Variants in FAM222B observed in about 807,000 individuals in gnomAD.
The protein encoded by FAM222B is protein FAM222B.
Under a neutral mutation model 38.0 loss-of-function variants are expected in FAM222B, and 12 were observed. The observed-to-expected ratio is 0.32, with a 90% confidence interval of 0.20 to 0.51. The LOEUF (loss-of-function observed/expected upper bound fraction) is 0.51, where lower values mean the gene tolerates loss of function less well. Ranked by LOEUF, FAM222B falls within the 20% of genes least tolerant of loss-of-function variation. The pLI is 0.97. For missense variants in FAM222B, 716 were observed against 754.2 expected (o/e 0.95, Z 0.59); for synonymous variants, 329 against 317.2 (o/e 1.04, Z -0.40).
intron 1 of FAM222B, among the ~76,000 whole-genome samples, chr17:28,785,122 G>A (rs1274103298): frequency 1.3e-5 from 2 of 152,086 alleles, no homozygotes; most frequent in Non-Finnish European, 2.9e-5. Context: ...TACAGATAAG[G>A]AAACCCAGGC....
chr17:28,796,680 A>G (rs377439556), intron 1 of FAM222B, among the ~76,000 whole-genome samples: 2 of 152,156 alleles, frequency 1.3e-5, no homozygotes, highest in Non-Finnish European at 2.9e-5. Context: ...TTATTTTTCA[A>G]CAGGCAAATG....
intron 1 of FAM222B, among the ~76,000 whole-genome samples, chr17:28,776,870 G>A (rs2035922228): frequency 2.6e-5 from 4 of 152,034 alleles, no homozygotes; most frequent in Admixed American, 2.6e-4. Flanking sequence ...CCAAAATGCT[G>A]CTCTGGGAAA....
intron 1 of FAM222B, among the ~76,000 whole-genome samples, chr17:28,796,468 G>C (rs1324977807): frequency 6.6e-6 from 1 of 152,122 alleles, no homozygotes; most frequent in Non-Finnish European, 1.5e-5. Flanking sequence ...AGCCCATTAA[G>C]GCTGAGAGTT....
intron 1 of FAM222B, among the ~76,000 whole-genome samples, chr17:28,792,780 C>CA (rs71135854): frequency 0.098 from 12,058 of 122,630 alleles, 611 homozygotes; most frequent in African/African-American, 0.16. Context: ...GGCCCTATTT[C>CA]AAAAAAAAAA....
intron 1 of FAM222B, among the ~76,000 whole-genome samples, chr17:28,833,316 TAAATA>T (rs1468097845): frequency 8.1e-6 from 1 of 123,470 alleles, no homozygotes; most frequent in Admixed American, 8.1e-5. Flanking sequence ...CTCAAAAAAA[TAAATA>T]AATAAATAAG....
intron 1 of FAM222B, among the ~76,000 whole-genome samples, chr17:28,806,212 C>T (rs930473581): frequency 6.6e-5 from 10 of 151,634 alleles, no homozygotes; most frequent in Middle Eastern, 3.2e-3. Flanking sequence ...CTATACTTTG[C>T]CTGCTTGCCC....
At chr17:28,821,596 G>A (rs545636874) in intron 1 of FAM222B, among the ~76,000 whole-genome samples, 2 of 152,216 alleles carry the variant, frequency 1.3e-5, no homozygotes, top group African/African-American at 2.4e-5. Context: ...AGTCTCATTC[G>A]CTCACCAGTT....
At chr17:28,783,574 A>G (rs9911178) in intron 1 of FAM222B, among the ~76,000 whole-genome samples, 151,530 of 151,536 alleles carry the variant, frequency 1, 75,762 homozygotes, top group Middle Eastern at 1. Flanking sequence ...GTGCAGTGGC[A>G]AAATCTTGGC....
At chr17:28,816,268 G>A (rs1011371453) in intron 1 of FAM222B, among the ~76,000 whole-genome samples, 1 of 151,940 alleles carries the variant, frequency 6.6e-6, no homozygotes, top group African/African-American at 2.4e-5. Flanking sequence ...GTGGGACTCC[G>A]TCTCAAAAAA....
intron 1 of FAM222B, among the ~76,000 whole-genome samples, chr17:28,827,823 A>G (rs1335673341): frequency 6.6e-6 from 1 of 152,188 alleles, no homozygotes; most frequent in African/African-American, 2.4e-5. Flanking sequence ...CTTTAAAGGG[A>G]AAGGGCATAA....
intron 1 of FAM222B, among the ~76,000 whole-genome samples, chr17:28,851,000 T>A (rs2039177052): frequency 6.6e-6 from 1 of 151,146 alleles, no homozygotes; most frequent in Non-Finnish European, 1.5e-5. Flanking sequence ...GCGCCTGTAA[T>A]CCCACCTACT....
At chr17:28,821,157 T>C (rs1054691219) in intron 1 of FAM222B, among the ~76,000 whole-genome samples, 3 of 152,044 alleles carry the variant, frequency 2.0e-5, no homozygotes, top group African/African-American at 7.2e-5. Flanking sequence ...GGTTTCACCA[T>C]ATTGGCCAGG....
At chr17:28,776,452 CT>C (rs397857136) in intron 1 of FAM222B, among the ~76,000 whole-genome samples, 13,997 of 90,872 alleles carry the variant, frequency 0.15, 158 homozygotes, top group African/African-American at 0.22. Context: ...CCTAAAAAGA[CT>C]TTTTTTTTTT....
In FAM222B at chr17:28,801,620, A is replaced by G. The variant is rs143479727; in HGVS notation, c.-40-34913T>C. On this transcript the variant is annotated intron_variant, in intron 1 of 2. Transcript: ENST00000581407. The stretch of plus-strand genomic sequence containing the variant: ...GCACTTTACTATTATTATTATTATT[A>G]TTGTTGTTCTTCTTCTTCTAGTAAA... Among the ~76,000 whole-genome samples the G allele has an allele frequency of 4.4e-3, 676 of 151,984 alleles. 4 individuals are homozygous for G. The highest frequency in any genetic ancestry group is 0.013 in the African/African-American group (552 of 41,416).
chr17:28,845,442 G>A (rs1195604239), upstream of FAM222B, among the ~76,000 whole-genome samples: 3 of 151,654 alleles, frequency 2.0e-5, no homozygotes, highest in Non-Finnish European at 4.4e-5. Flanking sequence ...GGCTGGGCGT[G>A]GTGGTGGGCG....
At chr17:28,843,400 G>C (rs1337545034), upstream of FAM222B, among the ~76,000 whole-genome samples, 1 of 148,824 alleles carries the variant, frequency 6.7e-6, no homozygotes, top group Non-Finnish European at 1.5e-5. Flanking sequence ...GCCTTCTAAA[G>C]CGCTGGGATT....
At chr17:28,780,759 G>A (rs904094677) in intron 1 of FAM222B, among the ~76,000 whole-genome samples, 17 of 152,010 alleles carry the variant, frequency 1.1e-4, no homozygotes, top group Non-Finnish European at 2.4e-4. Flanking sequence ...GCAGGCACCT[G>A]TAATACCAGC....
upstream of FAM222B, among the ~76,000 whole-genome samples, chr17:28,844,027 C>G (rs2039119983): frequency 1.3e-5 from 2 of 152,212 alleles, no homozygotes; most frequent in African/African-American, 4.8e-5. Context: ...CCAGCTCTCA[C>G]TGTGAGCCTG....
intron 1 of FAM222B, among the ~76,000 whole-genome samples, chr17:28,854,729 T>C (rs1331254762): frequency 6.6e-6 from 1 of 152,178 alleles, no homozygotes; most frequent in Non-Finnish European, 1.5e-5. Flanking sequence ...TTTGGCCTCA[T>C]GGGAAATGTA....
Sources: allele counts gnomAD v4.1 joint callset (sites outside exome capture counted in the v4.1 genomes callset), GRCh38; gene constraint gnomAD v4.1.1; transcripts MANE v1.5; gene names NCBI Gene and HGNC (gene_info 2026-07-23, HGNC 2026-07-21).